RARB: variants seen among roughly 807,000 people sequenced by gnomAD.
The protein encoded by RARB is retinoic acid receptor beta, also known as HBV-activated protein.
RARB carries 17 observed loss-of-function variants against 51.9 expected under a neutral mutation model. The observed-to-expected ratio is 0.33, with a 90% CI of 0.22 to 0.49. The LOEUF is 0.49. Among genes scored for constraint, RARB ranks in the 20% least tolerant of loss-of-function variants. RARB has a pLI of 0.99. For synonymous variants in RARB, 215 were observed against 195.4 expected (o/e 1.10, Z -0.84); for missense variants, 369 against 550.8 (o/e 0.67, Z 3.30).
intron 2 of RARB, among the ~76,000 whole-genome samples, chr3:25,495,259 G>A (rs1411288730): frequency 1.3e-5 from 2 of 152,146 alleles, no homozygotes; most frequent in Non-Finnish European, 2.9e-5. Context: ...GAGGGAAGAT[G>A]GCCTAACCCA....
intron 5 of RARB, among the ~76,000 whole-genome samples, chr3:25,285,424 T>G (rs1703625541): frequency 6.6e-6 from 1 of 152,040 alleles, no homozygotes; most frequent in Non-Finnish European, 1.5e-5. Context: ...TGTGCAGGGG[T>G]TTGTAGGGCA....
intron 5 of RARB, among the ~76,000 whole-genome samples, chr3:25,293,637 G>A (rs1703845451): frequency 8.4e-6 from 1 of 119,534 alleles, no homozygotes; most frequent in East Asian, 3.7e-4. Flanking sequence ...ATAGGAAGCA[G>A]CTGTCTATGA....
At chr3:25,356,413 G>T (rs1244341326) in intron 5 of RARB, among the ~76,000 whole-genome samples, 1 of 151,970 alleles carries the variant, frequency 6.6e-6, no homozygotes, top group Non-Finnish European at 1.5e-5. Flanking sequence ...TTTTATAATA[G>T]TCTATTTCTA....
intron 2 of RARB, among the ~76,000 whole-genome samples, chr3:24,950,355 G>A (rs920920382): frequency 3.3e-5 from 5 of 151,954 alleles, no homozygotes; most frequent in African/African-American, 7.3e-5. Flanking sequence ...TGTAAAAATG[G>A]GTTTGCAAAT....
intron 2 of RARB, among the ~76,000 whole-genome samples, chr3:25,481,490 T>C (rs1371228143): frequency 6.6e-6 from 1 of 152,254 alleles, no homozygotes; most frequent in Non-Finnish European, 1.5e-5. Flanking sequence ...TGTGCTTTCC[T>C]TTTATAACCT....
chr3:25,519,766 T>A (rs1045356050), intron 3 of RARB, among the ~76,000 whole-genome samples: 1 of 152,188 alleles, frequency 6.6e-6, no homozygotes, highest in Admixed American at 6.6e-5. Context: ...TTAACTCAGA[T>A]TATTCTGAGA....
At chr3:25,412,188 C>T (rs976690253) in intron 5 of RARB, among the ~76,000 whole-genome samples, 2 of 152,162 alleles carry the variant, frequency 1.3e-5, no homozygotes, top group Non-Finnish European at 2.9e-5. Context: ...AACTAGAGGA[C>T]AATGGATGTT....
intron 2 of RARB, among the ~76,000 whole-genome samples, chr3:25,496,371 G>A (rs929074580): frequency 1.3e-5 from 2 of 152,148 alleles, no homozygotes; most frequent in African/African-American, 2.4e-5. Flanking sequence ...TTAGTTCCAG[G>A]GGTGTCATAT....
chr3:24,915,600 A>T (rs1256910547), intron 2 of RARB, among the ~76,000 whole-genome samples: 1 of 152,190 alleles, frequency 6.6e-6, no homozygotes, highest in African/African-American at 2.4e-5. Context: ...ATGTTGTTTC[A>T]TGAAGGTTTT....
intron 2 of RARB, among the ~76,000 whole-genome samples, chr3:24,913,402 CT>C (rs66779362): frequency 0.013 from 1,416 of 108,348 alleles, 4 homozygotes; most frequent in Middle Eastern, 0.037. Flanking sequence ...CTCTCTCTCT[CT>C]TTTTTTTTTT....
At chr3:25,077,256 A>G (rs1000098082) in intron 3 of RARB, among the ~76,000 whole-genome samples, 3 of 152,196 alleles carry the variant, frequency 2.0e-5, no homozygotes, top group Non-Finnish European at 2.9e-5. Context: ...CAGATCTTAC[A>G]TATAGAGTTT....
At chr3:25,412,061 G>T (rs1486445891) in intron 5 of RARB, among the ~76,000 whole-genome samples, 4 of 152,158 alleles carry the variant, frequency 2.6e-5, no homozygotes, top group Admixed American at 6.5e-5. Flanking sequence ...TCATTATGAG[G>T]TATCACAGAA....
intron 2 of RARB, among the ~76,000 whole-genome samples, chr3:24,884,493 T>A (rs1406663905): frequency 6.6e-6 from 1 of 152,122 alleles, no homozygotes; most frequent in African/African-American, 2.4e-5. Flanking sequence ...TAGCACAGAT[T>A]TTTTTCCCCA....
At chr3:25,073,053 C>A (rs1452931387) in intron 3 of RARB, among the ~76,000 whole-genome samples, 3 of 152,104 alleles carry the variant, frequency 2.0e-5, no homozygotes, top group Non-Finnish European at 4.4e-5. Context: ...ATTGTCATTT[C>A]TTTCTCCTAA....
chr3:25,344,070 C>G (rs1330508579), intron 5 of RARB, among the ~76,000 whole-genome samples: 1 of 152,158 alleles, frequency 6.6e-6, no homozygotes, highest in African/African-American at 2.4e-5. Context: ...GGATCAGGAG[C>G]CTGGCAATGT....
intron 2 of RARB, among the ~76,000 whole-genome samples, chr3:25,040,471 A>G (rs1698089130): frequency 6.6e-6 from 1 of 152,158 alleles, no homozygotes; most frequent in African/African-American, 2.4e-5. Flanking sequence ...AGTGGGTTAC[A>G]CCTGTGATCT....
chr3:24,844,649 T>G (rs1313111650), intron 1 of RARB, among the ~76,000 whole-genome samples: 1 of 152,210 alleles, frequency 6.6e-6, no homozygotes, highest in Non-Finnish European at 1.5e-5. Flanking sequence ...CTGCATGACC[T>G]TGGGCAAATC....
intron 1 of RARB, among the ~76,000 whole-genome samples, chr3:24,839,381 G>A (rs535305629): frequency 6.6e-6 from 1 of 152,070 alleles, no homozygotes; most frequent in South Asian, 2.1e-4. Flanking sequence ...AGGATAAATT[G>A]TGATGAATTA....
At chr3:25,536,169 T>C (rs1228120268) in intron 3 of RARB, among the ~76,000 whole-genome samples, 2 of 152,082 alleles carry the variant, frequency 1.3e-5, no homozygotes, top group Non-Finnish European at 2.9e-5. Flanking sequence ...TTAGAGTTGA[T>C]AGGGAAACAA....
Sources: gnomAD v4.1 joint callset for allele counts (sites outside exome capture counted in the v4.1 genomes callset) on GRCh38, gnomAD v4.1.1 for gene constraint, MANE v1.5 for transcripts, NCBI Gene and HGNC (gene_info 2026-07-23, HGNC 2026-07-21) for gene names.